B4GALT5: variants seen among roughly 807,000 people sequenced by gnomAD.
B4GALT5 encodes UDP-Gal:beta-GlcNAc beta-1,4-galactosyltransferase 5.
B4GALT5 carries 11 observed loss-of-function variants against 45.0 expected under a neutral mutation model. The ratio of observed to expected loss-of-function variants is 0.24; its 90% CI spans 0.15 to 0.40. B4GALT5 has a LOEUF of 0.40. B4GALT5 is among the 10% of genes least tolerant of loss of function. The pLI, the probability that B4GALT5 is intolerant of heterozygous loss-of-function variation, is 1.00. For missense variants in B4GALT5, 337 were observed against 500.2 expected, an observed-to-expected ratio of 0.67 and a Z score of 3.11; for synonymous variants, 185 against 182.9, an observed-to-expected ratio of 1.01 and a Z score of -0.09.
At chr20:49,636,517 G>C in intron 8 of B4GALT5, 58 bp from the exon 9 acceptor site, 1 of 1,583,650 alleles carries the variant, frequency 6.3e-7, no homozygotes, top group Non-Finnish European at 8.6e-7. Flanking sequence ...TGCCTCTGCA[G>C]CCAGAGGATG....
intron 1 of B4GALT5, among the ~76,000 whole-genome samples, chr20:49,673,097 A>G (rs1292969052): frequency 6.6e-6 from 1 of 152,114 alleles, no homozygotes; most frequent in Non-Finnish European, 1.5e-5. Context: ...AATACAGTGG[A>G]TTGGCCAGGC....
intron 1 of B4GALT5, among the ~76,000 whole-genome samples, chr20:49,661,515 G>C (rs1423617715): frequency 6.6e-6 from 1 of 152,168 alleles, no homozygotes; most frequent in Non-Finnish European, 1.5e-5. Flanking sequence ...GATTACAGAC[G>C]TGAGCCACCG....
At chr20:49,636,767 A>T (rs1331005834) in intron 8 of B4GALT5, among the ~76,000 whole-genome samples, 3 of 152,220 alleles carry the variant, frequency 2.0e-5, no homozygotes, top group African/African-American at 7.2e-5. Context: ...AGAGTGGGGA[A>T]GTGGGAGGTA....
At chr20:49,649,579 TA>T (rs985091501) in intron 2 of B4GALT5, among the ~76,000 whole-genome samples, 2 of 150,248 alleles carry the variant, frequency 1.3e-5, no homozygotes, top group South Asian at 2.1e-4. Context: ...GATCCTATCT[TA>T]AAAAAAAACA....
chr20:49,702,959 G>A (rs2085868742), intron 1 of B4GALT5, among the ~76,000 whole-genome samples: 2 of 151,872 alleles, frequency 1.3e-5, no homozygotes, highest in Admixed American at 1.3e-4. Flanking sequence ...GGATCATGAG[G>A]TCAGGAGATC....
At chr20:49,703,499 C>G (rs527506884) in intron 1 of B4GALT5, among the ~76,000 whole-genome samples, 6 of 152,252 alleles carry the variant, frequency 3.9e-5, no homozygotes, top group African/African-American at 1.4e-4. Context: ...AAATTACAAT[C>G]CAGAAAACTT....
intron 1 of B4GALT5, among the ~76,000 whole-genome samples, chr20:49,710,165 G>A (rs6067192): frequency 6.6e-6 from 1 of 152,144 alleles, no homozygotes; most frequent in Admixed American, 6.5e-5. Flanking sequence ...GATATCTCTA[G>A]CCCTTGAGCA....
Position 49,709,575 on chromosome 20 carries a change from G to C in B4GALT5, c.115+4001C>G, listed in dbSNP as rs892598115. 2.0e-5 allele frequency among the ~76,000 whole-genome samples: 3 copies of C among 151,968 alleles called. No homozygotes were observed. In the South Asian group the frequency reaches 6.2e-4, roughly 32 times the overall value. ...TCACTTGAGGTCGGGAGTTCGAGAC[G>C]AACCTGGCCAACATGGTAAAACCCC... On this transcript the variant is annotated intron_variant, in intron 1 of 8. Transcript: ENST00000371711.
chr20:49,635,159 T>G lies in B4GALT5; in HGVS notation c.*1153A>C, dbSNP rs767728218. 3.9e-5 allele frequency: 6 copies of G among 152,170 alleles called. No homozygotes were observed. The highest frequency in any genetic ancestry group is 6.5e-5 in the Admixed American group (1 of 15,272). 9.4% of individuals were successfully genotyped at this position (152,170 alleles called of 1,614,324 possible). A position where few individuals can be genotyped will look rare whatever the true frequency, so the allele number is the denominator to read the frequency against. On this transcript the variant is annotated 3_prime_UTR_variant, in exon 9 of 9. Coordinates refer to ENST00000371711, the MANE Select transcript of B4GALT5 (RefSeq NM_004776.4). ...AAGCCAGCTGGTAATGTAGGCACAT[T>G]GTTCAGAAACTGTGGCCAAGTTCCA...
At chr20:49,676,562 A>G (rs2085738337) in intron 1 of B4GALT5, among the ~76,000 whole-genome samples, 1 of 152,224 alleles carries the variant, frequency 6.6e-6, no homozygotes, top group African/African-American at 2.4e-5. Flanking sequence ...TGCCTTCACA[A>G]CTCAGCTCAG....
At chr20:49,687,358 T>A (rs2085790609) in intron 1 of B4GALT5, among the ~76,000 whole-genome samples, 1 of 152,176 alleles carries the variant, frequency 6.6e-6, no homozygotes, top group African/African-American at 2.4e-5. Context: ...ATTGGATTAA[T>A]AAACATGCTG....
At chr20:49,688,940 A>G (rs916226514) in intron 1 of B4GALT5, among the ~76,000 whole-genome samples, 121 of 115,350 alleles carry the variant, frequency 1.0e-3, no homozygotes, top group African/African-American at 3.2e-3. Flanking sequence ...TCCATCTCAA[A>G]AAAAAAAAAA....
intron 3 of B4GALT5, among the ~76,000 whole-genome samples, chr20:49,645,524 G>A (rs919234516): frequency 6.6e-6 from 1 of 151,820 alleles, no homozygotes; most frequent in Non-Finnish European, 1.5e-5. Flanking sequence ...TGAGGTGGGC[G>A]GATCACCTGA....
chr20:49,689,766 A>C (rs1435046461), intron 1 of B4GALT5, among the ~76,000 whole-genome samples: 1 of 152,246 alleles, frequency 6.6e-6, no homozygotes, highest in East Asian at 1.9e-4. Context: ...ACAAATGCAC[A>C]TACCTGTGTA....
chr20:49,657,040 C>CT lies in B4GALT5; in HGVS notation c.116-339dup, dbSNP rs1205171119. ...AAAGACCTTTATGAATTAGTTAAAA[C>CT]TTTTTTTTTTTAAAGGTTTCTGCTC... is the stretch of plus-strand genomic sequence containing the variant. On this transcript the variant is annotated intron_variant, in intron 1 of 8. Coordinates refer to ENST00000371711, the MANE Select transcript of B4GALT5 (RefSeq NM_004776.4). 8.8e-3 allele frequency among the ~76,000 whole-genome samples: 1,309 copies of CT among 148,136 alleles called. 21 individuals are homozygous for CT. The highest frequency in any genetic ancestry group is 0.031 in the African/African-American group (1,254 of 40,598).
intron 3 of B4GALT5, 55 bp downstream of exon 3, chr20:49,646,910 C>A: frequency 9.2e-7 from 1 of 1,085,720 alleles, no homozygotes; most frequent in Non-Finnish European, 1.4e-6. Context: ...ATCAAGAGTG[C>A]CCTCCCCTTT....
intron 1 of B4GALT5, among the ~76,000 whole-genome samples, chr20:49,673,553 G>A (rs2146345334): frequency 6.6e-6 from 1 of 152,294 alleles, no homozygotes; most frequent in Middle Eastern, 3.4e-3. Context: ...AATGTAATAT[G>A]TTATTTTGGG....
intron 1 of B4GALT5, among the ~76,000 whole-genome samples, chr20:49,658,312 G>A (rs2085651569): frequency 6.6e-6 from 1 of 152,088 alleles, no homozygotes; most frequent in African/African-American, 2.4e-5. Flanking sequence ...TCACAGTAGG[G>A]GGGCAGTCCA....
intron 1 of B4GALT5, among the ~76,000 whole-genome samples, chr20:49,701,776 TAAGAA>T (rs1600557175): frequency 1.3e-5 from 2 of 152,150 alleles, no homozygotes; most frequent in South Asian, 4.1e-4. Context: ...GATTTGGGGC[TAAGAA>T]AATACCAAAC....
Sources: allele counts gnomAD v4.1 joint callset (sites outside exome capture counted in the v4.1 genomes callset), GRCh38; gene constraint gnomAD v4.1.1; transcripts MANE v1.5; gene names NCBI Gene and HGNC (gene_info 2026-07-23, HGNC 2026-07-21).